The following NUP210L variants were observed in gnomAD, a reference collection of about 807,000 sequenced individuals.
The protein encoded by NUP210L is nuclear pore membrane glycoprotein 210-like.
Under a neutral mutation model 208.5 loss-of-function variants are expected in NUP210L, and 74 were observed. The observed-to-expected ratio is 0.35, with a 90% CI of 0.29 to 0.43. NUP210L has a LOEUF of 0.43. NUP210L is among the 20% of genes least tolerant of loss of function. The probability of loss-of-function intolerance (pLI) is 1.00; values close to 1 mark genes in which losing one functional copy is unlikely to be tolerated. For synonymous variants in NUP210L, 780 were observed against 816.9 expected (o/e 0.95, Z 0.77); for missense variants, 1,843 against 2,289.4 (o/e 0.81, Z 3.98).
In NUP210L at chr1:154,118,898, T is replaced by A. The variant is rs1657468992; in HGVS notation, c.1327-90A>T. On this transcript the variant is annotated intron_variant, in intron 10 of 39. Transcript: ENST00000368559. The stretch of plus-strand genomic sequence containing the variant: ...TATACTCAAAACATCAGCAAAATGG[T>A]ATGCTCATAAATTACTCAACCAGTT... 4.5e-6 allele frequency: 3 copies of A among 666,994 alleles called. No individual in the cohort carries two copies. In the South Asian group the frequency reaches 1.1e-4, roughly 25 times the overall value. The allele number at this position is 666,994 out of a possible 1,614,324, so 41.3% of individuals were successfully genotyped here. A position where few individuals can be genotyped will look rare whatever the true frequency, so the allele number is the denominator to read the frequency against.
chr1:154,047,484 T>C (rs2147973742), intron 25 of NUP210L, among the ~76,000 whole-genome samples: 1 of 152,332 alleles, frequency 6.6e-6, no homozygotes, highest in Non-Finnish European at 1.5e-5. Flanking sequence ...GTTGTGGGTT[T>C]ACCAGAATGA....
chr1:154,095,426 C>A (rs910919764), intron 14 of NUP210L, among the ~76,000 whole-genome samples: 4 of 152,186 alleles, frequency 2.6e-5, no homozygotes, highest in Non-Finnish European at 5.9e-5. Context: ...TAAGCTCTTA[C>A]AGTATTTATC....
intron 14 of NUP210L, among the ~76,000 whole-genome samples, chr1:154,098,409 C>G (rs1375612271): frequency 6.6e-6 from 1 of 152,190 alleles, no homozygotes; most frequent in African/African-American, 2.4e-5. Context: ...GGGAAGGTCC[C>G]AAGTTCTTGT....
chr1:153,997,127 A>G (rs905908648), intron 37 of NUP210L, among the ~76,000 whole-genome samples: 14 of 151,822 alleles, frequency 9.2e-5, no homozygotes, highest in African/African-American at 3.1e-4. Flanking sequence ...CCACGCCCAG[A>G]TAATTTTTGT....
intron 12 of NUP210L, among the ~76,000 whole-genome samples, chr1:154,111,308 A>G (rs1657028288): frequency 6.6e-6 from 1 of 151,188 alleles, no homozygotes; most frequent in Non-Finnish European, 1.5e-5. Context: ...ACTTGAACCC[A>G]GGAGGCAGAG....
chr1:153,993,417 T>A (rs1649600747), intron 38 of NUP210L, among the ~76,000 whole-genome samples: 1 of 151,818 alleles, frequency 6.6e-6, no homozygotes, highest in Non-Finnish European at 1.5e-5. Flanking sequence ...ATATAAAAAA[T>A]TAGCTGGGCG....
intron 2 of NUP210L, 133 bp downstream of exon 2, chr1:154,152,603 C>T (rs1438161692): frequency 1.3e-6 from 1 of 789,134 alleles, no homozygotes; most frequent in Non-Finnish European, 2.0e-6. Flanking sequence ...TGAGCCACTG[C>T]AGCCAGCTAG....
chr1:153,998,920 T>C (rs1650054243), intron 37 of NUP210L, among the ~76,000 whole-genome samples: 1 of 151,962 alleles, frequency 6.6e-6, no homozygotes, highest in African/African-American at 2.4e-5. Flanking sequence ...CTTGCTGTGT[T>C]GCTTAGCCTG....
rs908536967 is a variant in NUP210L at position 154,073,585 on chromosome 1, C to T, written c.2362-3120G>A. 2.2e-4 allele frequency among the ~76,000 whole-genome samples: 34 copies of T among 151,878 alleles called. 1 individual carries two copies. Among genetic ancestry groups the T allele is most frequent in the South Asian group, 4.2e-4 (2 of 4,798 alleles). On this transcript the variant is annotated intron_variant, in intron 16 of 39. Transcript: ENST00000368559. ...ATCTCAGCACTTTGGGATGCCAAGG[C>T]GAGCAGATCACTTGAGGTCAGGAGT... is the stretch of plus-strand genomic sequence containing the variant.
In NUP210L at chr1:154,004,451, T is replaced by C. The variant is rs183822134; in HGVS notation, c.4931-2466A>G. ...GGTGCGATCTCAGCTCACTTCAAGC[T>C]CTGCCTCCCTGGTTCAAGTGATTCT... On this transcript the variant is annotated intron_variant, in intron 35 of 39. Transcript: ENST00000368559. Among the ~76,000 whole-genome samples, 181 of 152,054 alleles carry C rather than the reference T, an allele frequency of 1.2e-3. 1 individual carries two copies. The highest frequency in any genetic ancestry group is 4.1e-3 in the South Asian group (20 of 4,830).
At chr1:154,070,692 C>G (rs1654666663) in intron 16 of NUP210L, among the ~76,000 whole-genome samples, 1 of 151,994 alleles carries the variant, frequency 6.6e-6, no homozygotes. Flanking sequence ...TCTCTCTCTC[C>G]CTCTCCTTCC....
chr1:153,997,955 G>A (rs937477025), intron 37 of NUP210L, among the ~76,000 whole-genome samples: 9 of 151,570 alleles, frequency 5.9e-5, no homozygotes, highest in African/African-American at 1.2e-4. Flanking sequence ...TGATCCACCC[G>A]GCTCGGCCAT....
chr1:154,045,999 C>T (rs532334073), intron 27 of NUP210L, 70 bp downstream of exon 27: 3 of 1,423,784 alleles, frequency 2.1e-6, no homozygotes, highest in Admixed American at 2.3e-5. Context: ...CAAAAAGAAA[C>T]TTATGATAAA....
rs766842555 is a variant in NUP210L at position 154,117,763 on chromosome 1, G to A, written c.1582C>T (p.Arg528Ter). 4.3e-6 allele frequency: 7 copies of A among 1,612,698 alleles called. No individual in the cohort carries two copies. The highest frequency in any genetic ancestry group is 3.3e-5 in the South Asian group (3 of 91,004). Residue 528 changes from arginine to a stop codon, truncating the protein, a stop_gained, in exon 12 of 40, where the codon CGA (arginine) becomes TGA (stop). Coordinates refer to ENST00000368559, the Ensembl canonical transcript of NUP210L. LOFTEE classifies it high-confidence loss of function. The stretch of plus-strand genomic sequence containing the variant: ...TATCGAAAGGGATTTTGTACATCTC[G>A]GGCCAAAACAGTACTATTCCCCCTG...
At chr1:153,998,316 A>G (rs892299275) in intron 37 of NUP210L, among the ~76,000 whole-genome samples, 9 of 152,110 alleles carry the variant, frequency 5.9e-5, no homozygotes, top group Admixed American at 2.6e-4. Context: ...TCATTTTGGG[A>G]GGCCAAGGTG....
intron 6 of NUP210L, among the ~76,000 whole-genome samples, chr1:154,136,993 T>C (rs1386088365): frequency 6.6e-6 from 1 of 151,452 alleles, no homozygotes; most frequent in Non-Finnish European, 1.5e-5. Context: ...GTCGATGAAT[T>C]GAGTTTCTCA....
chr1:154,068,168 A>C (rs1197427802), intron 17 of NUP210L, among the ~76,000 whole-genome samples: 1 of 152,166 alleles, frequency 6.6e-6, no homozygotes, highest in African/African-American at 2.4e-5. Context: ...GCATCACACT[A>C]CCTGACTTCC....
intron 34 of NUP210L, among the ~76,000 whole-genome samples, chr1:154,011,848 A>G (rs750259163): frequency 1.3e-5 from 2 of 151,440 alleles, no homozygotes; most frequent in Non-Finnish European, 2.9e-5. Context: ...CACCACACCC[A>G]GCTAGTTTTT....
intron 38 of NUP210L, among the ~76,000 whole-genome samples, chr1:153,993,771 G>A (rs958667124): frequency 6.6e-6 from 1 of 152,128 alleles, no homozygotes; most frequent in Non-Finnish European, 1.5e-5. Flanking sequence ...GGTGGCGGGT[G>A]TCTGTAATTC....
Sources: gnomAD v4.1 joint callset for allele counts (sites outside exome capture counted in the v4.1 genomes callset) on GRCh38, gnomAD v4.1.1 for gene constraint, MANE v1.5 for transcripts, NCBI Gene and HGNC (gene_info 2026-07-23, HGNC 2026-07-21) for gene names.